KLHDC8A: variants seen among roughly 807,000 people sequenced by gnomAD.
KLHDC8A encodes kelch domain containing 8A.
Under a neutral mutation model 33.1 loss-of-function variants are expected in KLHDC8A, and 21 were observed. The ratio of observed to expected loss-of-function variants is 0.64; its 90% CI spans 0.45 to 0.91. The LOEUF (loss-of-function observed/expected upper bound fraction) is 0.91, where lower values mean the gene tolerates loss of function less well. Ranked by LOEUF, KLHDC8A falls within the 40% of genes least tolerant of loss-of-function variation. The pLI is 0.00. For synonymous variants in KLHDC8A, 173 were observed against 193.5 expected (o/e 0.89, Z 0.88); for missense variants, 435 against 483.3 (o/e 0.90, Z 0.94).
chr1:205,339,001 A>G lies in KLHDC8A; in HGVS notation c.757+193T>C, dbSNP rs1399971114. On this transcript the variant is annotated intron_variant, in intron 4 of 5. Transcript: ENST00000367155. The surrounding 1 kb of genome is among the most constrained non-coding windows in gnomAD (Gnocchi z 5.1). ...CTTTGATAAAAACCAACCAAGCAAA[A>G]AGGGGACCTATACCAATGAAGGAAT... Among the ~76,000 whole-genome samples the G allele has an allele frequency of 6.6e-6, 1 of 152,158 alleles. No individual in the cohort carries two copies. Among genetic ancestry groups the G allele is most frequent in the East Asian group, 1.9e-4 (1 of 5,182 alleles).
At chr1:205,344,748 A>G (rs1323817470) in intron 1 of KLHDC8A, among the ~76,000 whole-genome samples, 1 of 152,126 alleles carries the variant, frequency 6.6e-6, no homozygotes, top group East Asian at 1.9e-4. Context: ...ATATACACCC[A>G]CTTGCACATG....
Sources: allele counts gnomAD v4.1 joint callset (sites outside exome capture counted in the v4.1 genomes callset), GRCh38; gene constraint gnomAD v4.1.1; non-coding constraint Gnocchi (gnomAD v3.1); transcripts MANE v1.5; gene names NCBI Gene and HGNC (gene_info 2026-07-23, HGNC 2026-07-21).